Variants in MECOM observed in about 807,000 individuals in gnomAD.
MECOM encodes MDS1 and EVI1 complex locus.
A neutral mutation model predicts 116.3 loss-of-function variants in MECOM; 13 were observed. That is an observed-to-expected ratio of 0.11 (90% CI 0.07 to 0.18). MECOM has a LOEUF of 0.18. Among genes scored for constraint, MECOM ranks in the 10% least tolerant of loss-of-function variants. The pLI, the probability that MECOM is intolerant of heterozygous loss-of-function variation, is 1.00. For synonymous variants in MECOM, 528 were observed against 535.2 expected (o/e 0.99, Z 0.19); for missense variants, 1,299 against 1,509.0 (o/e 0.86, Z 2.31).
chr3:169,163,517 A>G (rs1743143394), intron 2 of MECOM, among the ~76,000 whole-genome samples: 1 of 152,166 alleles, frequency 6.6e-6, no homozygotes, highest in African/African-American at 2.4e-5. Flanking sequence ...AAAGCTTAGT[A>G]TACATCATTT....
intron 2 of MECOM, among the ~76,000 whole-genome samples, chr3:169,194,210 A>T (rs1748095851): frequency 6.6e-6 from 1 of 152,024 alleles, no homozygotes. Context: ...AAAAAATCTT[A>T]AAAAATGCTT....
chr3:169,269,359 A>G (rs1758671724), intron 2 of MECOM: 1 of 149,100 alleles, frequency 6.7e-6, no homozygotes, highest in Admixed American at 6.6e-5. Flanking sequence ...TACAGCTTTA[A>G]AAAGAAAAAA....
intron 2 of MECOM, among the ~76,000 whole-genome samples, chr3:169,270,040 A>G (rs1758745749): frequency 1.3e-5 from 2 of 151,942 alleles, no homozygotes; most frequent in African/African-American, 4.8e-5. Flanking sequence ...TTGTGCATTT[A>G]CCTTACAGAG....
chr3:169,450,932 C>T (rs746809383), intron 1 of MECOM, among the ~76,000 whole-genome samples: 1 of 152,134 alleles, frequency 6.6e-6, no homozygotes, highest in Non-Finnish European at 1.5e-5. Context: ...ATATGGCATC[C>T]TATGATATAA....
At chr3:169,372,647 C>T (rs1730336608) in intron 2 of MECOM, among the ~76,000 whole-genome samples, 1 of 151,944 alleles carries the variant, frequency 6.6e-6, no homozygotes, top group Admixed American at 6.6e-5. Flanking sequence ...TTGGCTTTTG[C>T]CCTAATAACC....
chr3:169,592,229 G>C (rs1238321881), intron 1 of MECOM, among the ~76,000 whole-genome samples: 1 of 152,144 alleles, frequency 6.6e-6, no homozygotes, highest in African/African-American at 2.4e-5. Context: ...GGTGTCTGCT[G>C]TTCACAAAAA....
intron 2 of MECOM, among the ~76,000 whole-genome samples, chr3:169,199,335 G>T (rs1318830696): frequency 6.6e-6 from 1 of 152,020 alleles, no homozygotes; most frequent in Non-Finnish European, 1.5e-5. Context: ...AGTGGAGATT[G>T]GCAGAAAAGG....
chr3:169,150,714 G>A (rs1414486448), intron 2 of MECOM, among the ~76,000 whole-genome samples: 2 of 152,196 alleles, frequency 1.3e-5, no homozygotes, highest in Non-Finnish European at 2.9e-5. Context: ...CAGAAGGAAT[G>A]ATTATTTTTT....
At chr3:169,327,367 C>T (rs1268752874) in intron 2 of MECOM, among the ~76,000 whole-genome samples, 3 of 152,028 alleles carry the variant, frequency 2.0e-5, no homozygotes, top group Non-Finnish European at 2.9e-5. Context: ...TGGCTGGGCA[C>T]GGTGGCTCAC....
intron 1 of MECOM, among the ~76,000 whole-genome samples, chr3:169,443,424 A>G (rs1744076306): frequency 6.6e-6 from 1 of 152,230 alleles, no homozygotes; most frequent in South Asian, 2.1e-4. Flanking sequence ...ATTGTGACCT[A>G]TGAAATAGGT....
chr3:169,410,534 T>C (rs1180800652), intron 1 of MECOM, among the ~76,000 whole-genome samples: 1 of 152,186 alleles, frequency 6.6e-6, no homozygotes, highest in Non-Finnish European at 1.5e-5. Context: ...CCCTGGAGAC[T>C]GAGATTCCAT....
chr3:169,123,645 A>G (rs1731830568), intron 5 of MECOM, among the ~76,000 whole-genome samples: 1 of 152,084 alleles, frequency 6.6e-6, no homozygotes, highest in African/African-American at 2.4e-5. Flanking sequence ...ACTACCCCCA[A>G]ATAAAGTAAC....
intron 2 of MECOM, among the ~76,000 whole-genome samples, chr3:169,323,906 T>C (rs998718232): frequency 4.6e-5 from 7 of 152,288 alleles, no homozygotes; most frequent in Admixed American, 2.6e-4. Flanking sequence ...TTCTTTCCCA[T>C]GCAGAGGAAA....
chr3:169,627,348 C>T (rs1771511041), intron 1 of MECOM, among the ~76,000 whole-genome samples: 1 of 152,232 alleles, frequency 6.6e-6, no homozygotes, highest in Admixed American at 6.5e-5. Flanking sequence ...AGCTATTATA[C>T]TTCTCGCTAT....
chr3:169,324,239 T>C (rs1721433299), intron 2 of MECOM, among the ~76,000 whole-genome samples: 1 of 152,326 alleles, frequency 6.6e-6, no homozygotes, highest in Non-Finnish European at 1.5e-5. Context: ...GTGGGTATTA[T>C]TGTCCCCAGT....
chr3:169,399,684 G>A (rs1735566268), intron 1 of MECOM, among the ~76,000 whole-genome samples: 1 of 152,302 alleles, frequency 6.6e-6, no homozygotes, highest in Admixed American at 6.5e-5. Context: ...TGGTGAGAAT[G>A]AGCCTAGAGT....
chr3:169,539,933 A>C (rs1759870214), intron 1 of MECOM, among the ~76,000 whole-genome samples: 1 of 152,204 alleles, frequency 6.6e-6, no homozygotes, highest in Non-Finnish European at 1.5e-5. Flanking sequence ...GAGTGTAAAA[A>C]GAAGGACTCT....
chr3:169,261,289 T>C (rs1357694395), intron 2 of MECOM, among the ~76,000 whole-genome samples: 1 of 152,216 alleles, frequency 6.6e-6, no homozygotes, highest in East Asian at 1.9e-4. Flanking sequence ...TTAAAATACA[T>C]GGAGCACTAT....
At chr3:169,369,999 TAA>T (rs1729823870) in intron 2 of MECOM, among the ~76,000 whole-genome samples, 1 of 152,004 alleles carries the variant, frequency 6.6e-6, no homozygotes, top group Admixed American at 6.6e-5. Flanking sequence ...TATCTAGTGT[TAA>T]GAGTATGCAA....
Sources: allele counts gnomAD v4.1 joint callset (sites outside exome capture counted in the v4.1 genomes callset), GRCh38; gene constraint gnomAD v4.1.1; transcripts MANE v1.5; gene names NCBI Gene and HGNC (gene_info 2026-07-23, HGNC 2026-07-21).